MAP3K5: variants seen among roughly 807,000 people sequenced by gnomAD.
MAP3K5 encodes the protein ASK-1.
MAP3K5 carries 56 observed loss-of-function variants against 158.7 expected under a neutral mutation model. That is an observed-to-expected ratio of 0.35 (90% confidence interval 0.28 to 0.44). The LOEUF is 0.44. Ranked by LOEUF, MAP3K5 falls within the 20% of genes least tolerant of loss-of-function variation. The pLI, the probability that MAP3K5 is intolerant of heterozygous loss-of-function variation, is 1.00. For missense variants in MAP3K5, 1,294 were observed against 1,674.8 expected (o/e 0.77, Z 3.97); for synonymous variants, 579 against 601.7 (o/e 0.96, Z 0.55).
chr6:136,771,869 T>C (rs1453360097), intron 1 of MAP3K5, among the ~76,000 whole-genome samples: 1 of 152,168 alleles, frequency 6.6e-6, no homozygotes, highest in Non-Finnish European at 1.5e-5. Flanking sequence ...TGAGAGCTGA[T>C]TTTCAAAATA....
chr6:136,632,874 T>C (rs893800950), intron 14 of MAP3K5, among the ~76,000 whole-genome samples: 11 of 152,106 alleles, frequency 7.2e-5, no homozygotes, highest in Non-Finnish European at 1.5e-4. Flanking sequence ...ATTATAATAA[T>C]AACATATTAA....
intron 1 of MAP3K5, among the ~76,000 whole-genome samples, chr6:136,769,810 AGG>A (rs1368131770): frequency 2.3e-4 from 6 of 26,326 alleles, no homozygotes; most frequent in Non-Finnish European, 3.4e-4. Context: ...GGAGGGAGGG[AGG>A]GGACGGGAGG....
Position 136,608,378 on chromosome 6 carries a change from T to C in MAP3K5, c.2521+2904A>G, listed in dbSNP as rs565574938. Among the ~76,000 whole-genome samples the C allele has an allele frequency of 3.3e-5, 5 of 151,790 alleles. No homozygotes were observed. The East Asian group carries it at 9.7e-4, about 30-fold the overall frequency. On this transcript the variant is annotated intron_variant, in intron 18 of 29. Coordinates refer to ENST00000359015, the MANE Select transcript of MAP3K5 (RefSeq NM_005923.4). The stretch of plus-strand genomic sequence containing the variant: ...GAGAGTAGACAGTAGGGGGCAAAAG[T>C]GAAGCAGGAGCACAGTTGGGGAAGC...
intron 9 of MAP3K5, among the ~76,000 whole-genome samples, chr6:136,656,891 G>T (rs1778777037): frequency 6.6e-6 from 1 of 152,182 alleles, no homozygotes; most frequent in Admixed American, 6.5e-5. Context: ...CAACGTGCTG[G>T]GATTGCAGGT....
chr6:136,660,869 T>G (rs1357247075), intron 8 of MAP3K5, among the ~76,000 whole-genome samples: 1 of 152,210 alleles, frequency 6.6e-6, no homozygotes, highest in African/African-American at 2.4e-5. Context: ...TTGCAGATTT[T>G]TGTCCAGTAG....
intron 1 of MAP3K5, among the ~76,000 whole-genome samples, chr6:136,726,906 G>C (rs188070108): frequency 7.2e-5 from 11 of 152,166 alleles, no homozygotes; most frequent in African/African-American, 2.4e-4. Flanking sequence ...TACATGGACA[G>C]TCACGTAATC....
chr6:136,741,282 G>A (rs747480249), intron 1 of MAP3K5, among the ~76,000 whole-genome samples: 4 of 152,096 alleles, frequency 2.6e-5, no homozygotes, highest in Admixed American at 6.5e-5. Context: ...CACTCTAAGC[G>A]TTTTCCTATA....
At chr6:136,693,459 G>A (rs963237500) in intron 7 of MAP3K5, among the ~76,000 whole-genome samples, 2 of 152,010 alleles carry the variant, frequency 1.3e-5, no homozygotes, top group African/African-American at 4.8e-5. Context: ...CTGCTGGGGG[G>A]AATTAAAATC....
intron 18 of MAP3K5, among the ~76,000 whole-genome samples, chr6:136,608,046 C>T (rs1244674439): frequency 1.3e-5 from 2 of 152,086 alleles, no homozygotes; most frequent in African/African-American, 4.8e-5. Context: ...AAGAAAGTTA[C>T]CCATGCAGAC....
intron 7 of MAP3K5, among the ~76,000 whole-genome samples, chr6:136,673,422 G>A (rs1205692657): frequency 6.6e-6 from 1 of 152,132 alleles, no homozygotes; most frequent in Non-Finnish European, 1.5e-5. Context: ...CACAAAAGCT[G>A]ACCTACAGAT....
chr6:136,559,826 G>C (rs1418349221), intron 28 of MAP3K5, among the ~76,000 whole-genome samples: 1 of 152,000 alleles, frequency 6.6e-6, no homozygotes, highest in Non-Finnish European at 1.5e-5. Flanking sequence ...CACTGCACCT[G>C]GCCTCAAGCT....
intron 1 of MAP3K5, among the ~76,000 whole-genome samples, chr6:136,741,980 T>C (rs967930409): frequency 3.9e-5 from 6 of 152,066 alleles, no homozygotes; most frequent in African/African-American, 1.4e-4. Context: ...AAAACCCTAA[T>C]AAAAGAAACC....
intron 14 of MAP3K5, among the ~76,000 whole-genome samples, chr6:136,629,644 T>C (rs564685618): frequency 2.4e-4 from 36 of 152,112 alleles, no homozygotes; most frequent in African/African-American, 8.7e-4. Flanking sequence ...TTAGTAGAGA[T>C]GGGCTTTCAC....
intron 7 of MAP3K5, among the ~76,000 whole-genome samples, chr6:136,680,050 C>CCACACA (rs35553089): frequency 0.013 from 1,995 of 149,212 alleles, 40 homozygotes; most frequent in African/African-American, 0.044. Flanking sequence ...AATAAGCTAG[C>CCACACA]CACACACACA....
At chr6:136,575,457 C>T (rs1479443218) in intron 25 of MAP3K5, among the ~76,000 whole-genome samples, 1 of 152,140 alleles carries the variant, frequency 6.6e-6, no homozygotes, top group African/African-American at 2.4e-5. Flanking sequence ...AGTCACCACA[C>T]CTGACTTTGA....
rs528340613 is a variant in MAP3K5, at chr6:136,644,117, C to T, written c.1789-1548G>A. On this transcript the variant is annotated intron_variant, in intron 11 of 29. Transcript: ENST00000359015. ...ACTAACAAGACAGCACTGGTAAAAC[C>T]CATCTTCTATCAGTCCTTTTCTGGG... is the stretch of plus-strand genomic sequence containing the variant. 2.6e-5 allele frequency among the ~76,000 whole-genome samples: 4 copies of T among 152,276 alleles called. No individual in the cohort carries two copies. In the Middle Eastern group the frequency reaches 0.014, roughly 521 times the overall value.
At chr6:136,597,860 T>C (rs1019150915) in intron 21 of MAP3K5, among the ~76,000 whole-genome samples, 1 of 152,214 alleles carries the variant, frequency 6.6e-6, no homozygotes, top group African/African-American at 2.4e-5. Context: ...TACCCACATA[T>C]GGTTATTAAC....
chr6:136,592,863 C>T (rs1192466358), intron 21 of MAP3K5: 3 of 551,968 alleles, frequency 5.4e-6, no homozygotes, highest in Non-Finnish European at 1.0e-5. Context: ...CCAAAACAGT[C>T]AAGGAAGCCC....
At chr6:136,768,023 G>A (rs1430983608) in intron 1 of MAP3K5, among the ~76,000 whole-genome samples, 1 of 152,146 alleles carries the variant, frequency 6.6e-6, no homozygotes, top group African/African-American at 2.4e-5. Flanking sequence ...AATGAAGCTG[G>A]CCCCCTAACT....
Sources: allele counts gnomAD v4.1 joint callset (sites outside exome capture counted in the v4.1 genomes callset), GRCh38; gene constraint gnomAD v4.1.1; transcripts MANE v1.5; gene names NCBI Gene and HGNC (gene_info 2026-07-23, HGNC 2026-07-21).